Variants in FSIP2 observed in about 807,000 individuals in gnomAD.
FSIP2 encodes the protein fibrous sheath interacting protein 2.
In FSIP2, 367 loss-of-function variants were observed where a neutral mutation model predicts 510.5. That is an observed-to-expected ratio of 0.72 (90% CI 0.66 to 0.78). The LOEUF (loss-of-function observed/expected upper bound fraction) is 0.78, where lower values mean the gene tolerates loss of function less well. Ranked by LOEUF, FSIP2 falls within the 30% of genes least tolerant of loss-of-function variation. The pLI is 0.00. For synonymous variants in FSIP2, 2,601 were observed against 2,732.2 expected, an observed-to-expected ratio of 0.95 and a Z score of 1.50; for missense variants, 7,594 against 7,901.7, an observed-to-expected ratio of 0.96 and a Z score of 1.48.
chr2:185,825,730 C>G (rs1694003266), intron 20 of FSIP2, among the ~76,000 whole-genome samples: 1 of 151,774 alleles, frequency 6.6e-6, no homozygotes, highest in Admixed American at 6.6e-5. Context: ...CTTACTCATT[C>G]ATCCAAAGAT....
chr2:185,745,589 T>C (rs1469370110), intron 5 of FSIP2, 21 bp downstream of exon 5: 5 of 1,523,738 alleles, frequency 3.3e-6, no homozygotes, highest in Non-Finnish European at 4.4e-6. Flanking sequence ...AGTTGAGGCA[T>C]ATTTTATGGG....
At chr2:185,815,529 A>G (rs914575654) in intron 19 of FSIP2, 58 bp downstream of exon 19, 22 of 807,238 alleles carry the variant, frequency 2.7e-5, no homozygotes, top group Non-Finnish European at 4.3e-5. Context: ...GCTTATGAGT[A>G]GAATGGGGCC....
At chr2:185,816,933 AAGAG>A (rs1418186319) in intron 19 of FSIP2, among the ~76,000 whole-genome samples, 11 of 148,574 alleles carry the variant, frequency 7.4e-5, no homozygotes, top group South Asian at 4.4e-4. Flanking sequence ...GTAAATGAGA[AAGAG>A]AGAGAAGAGA....
rs1252272181 is a variant in FSIP2, at chr2:185,797,351, A to G, written c.10215A>G (p.Glu3405=). Residue 3405 remains glutamate, a synonymous_variant, in exon 16 of 23, where the codon GAA becomes GAG. Transcript: ENST00000424728. ...ATGAAAACCTTGAAGCCAGCCGGGA[A>G]GATTCTTCTTTTTTGCAAAAATTGA... ...EENENLEASR[E]DSSFLQKLKK... 1 of 1,528,574 alleles carries G rather than the reference A, an allele frequency of 6.5e-7. No homozygotes were observed. The highest frequency in any genetic ancestry group is 1.4e-5 in the African/African-American group (1 of 72,308). 94.7% of individuals were successfully genotyped at this position (1,528,574 alleles called of 1,614,324 possible).
intron 7 of FSIP2, among the ~76,000 whole-genome samples, chr2:185,749,183 C>T (rs1028792657): frequency 3.3e-5 from 5 of 151,602 alleles, no homozygotes; most frequent in African/African-American, 9.7e-5. Context: ...TCTACCAAAA[C>T]GTCTTGCTGA....
rs1021064289 is a variant in FSIP2 at position 185,744,372 on chromosome 2, T to C, written c.438T>C (p.Ser146=). Residue 146 remains serine (S), a synonymous_variant, in exon 4 of 23, where the codon AGT becomes AGC. Transcript: ENST00000424728. ...ELNKYRQYLT[S]LKLDFERNYI... ...ATAAGTACAGGCAATATCTTACCAG[T>C]TTAAAATTAGACTTTGAGAGAAACT... 61 of 1,264,366 alleles carry C rather than the reference T, an allele frequency of 4.8e-5. 1 individual carries two copies. The African/African-American group carries it at 9.2e-4, about 19-fold the overall frequency. 78.3% of individuals were successfully genotyped at this position (1,264,366 alleles called of 1,614,324 possible).
intron 19 of FSIP2, among the ~76,000 whole-genome samples, chr2:185,821,698 C>T (rs1693922974): frequency 6.6e-6 from 1 of 151,668 alleles, no homozygotes; most frequent in South Asian, 2.1e-4. Context: ...TTAAGATGGG[C>T]AGACTTCTCA....
Position 185,807,501 on chromosome 2 carries a change from G to A in FSIP2, c.18195G>A (p.Met6065Ile), listed in dbSNP as rs1693613643. 2 of 1,611,550 alleles carry A rather than the reference G, an allele frequency of 1.2e-6. No homozygotes were observed. Among genetic ancestry groups the A allele is most frequent in the Non-Finnish European group, 1.7e-6 (2 of 1,178,466 alleles). The change falls in exon 17 of 23, where the codon ATG becomes ATA. Residue 6065 changes from methionine (M) to isoleucine (I), a missense_variant. Physicochemically the swap from Met to Ile is conservative, Grantham distance 10. Transcript: ENST00000424728. ...VATEISQDKY[M>I]TIQYVETLQS... ...CAGAGATCTCCCAAGATAAATATAT[G>A]ACTATACAGTATGTAGAAACCTTAC...
At position 185,804,072 on chromosome 2, in the gene FSIP2, A is replaced by C. The variant is rs1296064003; in HGVS notation, c.14766A>C (p.Ala4922=). 17 of 1,524,500 alleles carry C rather than the reference A, an allele frequency of 1.1e-5. No individual in the cohort carries two copies. Among genetic ancestry groups the C allele is most frequent in the Non-Finnish European group, 1.5e-5 (17 of 1,139,630 alleles). The allele number at this position is 1,524,500 out of a possible 1,614,324, so 94.4% of individuals were successfully genotyped here. A position where few individuals can be genotyped will look rare whatever the true frequency, so the allele number is the denominator to read the frequency against. Reference sequence around the variant, plus strand: ...AAGATAAAACTCTCCTTTTGGCAGCAGTTGATCAAACTTATAAATTGAAAG... The same window carrying C: ...AAGATAAAACTCTCCTTTTGGCAGCCGTTGATCAAACTTATAAATTGAAAG... ...LSEDKTLLLA[A]VDQTYKLKAI... Residue 4922 remains alanine (A), a synonymous_variant, in exon 17 of 23, where the codon GCA becomes GCC. Coordinates refer to ENST00000424728, the MANE Select transcript of FSIP2 (RefSeq NM_173651.4).
At position 185,800,190 on chromosome 2, in the gene FSIP2, T is replaced by C. The variant is rs1222577328; in HGVS notation, c.10884T>C (p.Asn3628=). The change falls in exon 17 of 23, where the codon AAT becomes AAC. Residue 3628 remains asparagine (N), a synonymous_variant. Coordinates refer to ENST00000424728, the MANE Select transcript of FSIP2 (RefSeq NM_173651.4). The part of the protein sequence containing the change: ...EIEVDYHFES[N]VRNKSFSMHR... ...AAGTAGATTATCACTTTGAAAGCAA[T>C]GTAAGAAACAAATCATTTTCTATGC... The C allele has an allele frequency of 6.5e-7, 1 of 1,532,280 alleles. No individual in the cohort carries two copies. Among genetic ancestry groups the C allele is most frequent in the Non-Finnish European group, 8.7e-7 (1 of 1,144,938 alleles). The allele number at this position is 1,532,280 out of a possible 1,614,324, so 94.9% of individuals were successfully genotyped here.
chr2:185,805,683 G>A lies in FSIP2; in HGVS notation c.16377G>A (p.Met5459Ile), dbSNP rs779889413. 4 of 1,610,536 alleles carry A rather than the reference G, an allele frequency of 2.5e-6. No individual in the cohort carries two copies. The highest frequency in any genetic ancestry group is 2.2e-5 in the South Asian group (2 of 90,702). ...CCACCCCAGATTGCAAAAACATGAT[G>A]AGCACTTTGGAAATAAATAGAGGTA... is the stretch of plus-strand genomic sequence containing the variant. ...TSSTPDCKNM[M>I]STLEINRGTM... Residue 5459 changes from methionine (M) to isoleucine (I), a missense_variant, in exon 17 of 23, where the codon ATG (methionine) becomes ATA (isoleucine). Met to Ile is a conservative substitution (Grantham distance 10). Coordinates refer to ENST00000424728, the MANE Select transcript of FSIP2 (RefSeq NM_173651.4).
intron 9 of FSIP2, among the ~76,000 whole-genome samples, chr2:185,759,885 G>T (rs1692317212): frequency 6.7e-6 from 1 of 150,374 alleles, no homozygotes; most frequent in African/African-American, 2.4e-5. Flanking sequence ...GCACAATTCA[G>T]AGGTGAGGTC....
At chr2:185,747,823 G>T (rs898401868) in intron 7 of FSIP2, among the ~76,000 whole-genome samples, 21 of 151,870 alleles carry the variant, frequency 1.4e-4, no homozygotes, top group African/African-American at 4.6e-4. Context: ...TCAATAAAAA[G>T]AAAGAGAAAA....
In FSIP2 at chr2:185,807,024, A is replaced by C; in HGVS notation, c.17718A>C (p.Pro5906=). ...MMRKPSSDKI[P]SIDKTLVNKV... is the part of the protein sequence containing the mutation. Reference sequence around the variant, plus strand: ...GAAAACCTTCTTCAGATAAGATACCATCAATTGACAAAACATTGGTCAATA... The same window carrying C: ...GAAAACCTTCTTCAGATAAGATACCCTCAATTGACAAAACATTGGTCAATA... The change falls in exon 17 of 23, where the codon CCA becomes CCC. Residue 5906 remains proline (P), a synonymous_variant. Coordinates refer to ENST00000424728, the MANE Select transcript of FSIP2 (RefSeq NM_173651.4). 1 of 1,596,570 alleles carries C rather than the reference A, an allele frequency of 6.3e-7. No homozygotes were observed. The highest frequency in any genetic ancestry group is 1.1e-5 in the South Asian group (1 of 87,524).
chr2:185,763,339 G>T (rs1288598170), intron 12 of FSIP2, 50 bp downstream of exon 12: 1 of 767,442 alleles, frequency 1.3e-6, no homozygotes, highest in African/African-American at 1.7e-5. Context: ...AAAGGGATAT[G>T]ATCTTATGGT....
intron 21 of FSIP2, among the ~76,000 whole-genome samples, chr2:185,830,501 G>T (rs1216518125): frequency 1.3e-5 from 2 of 151,742 alleles, no homozygotes; most frequent in African/African-American, 4.8e-5. Flanking sequence ...GGTGCTCAAG[G>T]TCTTTATATA....
intron 4 of FSIP2, chr2:185,744,965 TGTGTGTGTGTGGG>T (rs1469129457): frequency 1.3e-5 from 1 of 76,584 alleles, no homozygotes; most frequent in Non-Finnish European, 3.0e-5. Flanking sequence ...GACTTAAAGG[TGTGTGTGTGTGGG>T]GTGTGTGTGT....
rs1488064708 is a variant in FSIP2 at position 185,791,157 on chromosome 2, T to TCAG, written c.4021_4022insCAG (p.Leu1341delinsSerVal). ...ATTTTTTGCTAATACTGATAAAAAA[T>TCAG]TAGAATCTCTTGTCACGAGTATTGA... On this transcript the variant is annotated protein_altering_variant, in exon 16 of 23. Coordinates refer to ENST00000424728, the MANE Select transcript of FSIP2 (RefSeq NM_173651.4). 1.3e-6 allele frequency: 2 copies of TCAG among 1,533,606 alleles called. No individual in the cohort carries two copies. The highest frequency in any genetic ancestry group is 3.9e-5 in the Admixed American group (2 of 50,832). 95.0% of individuals were successfully genotyped at this position (1,533,606 alleles called of 1,614,324 possible). A position where few individuals can be genotyped will look rare whatever the true frequency, so the allele number is the denominator to read the frequency against.
Position 185,792,629 on chromosome 2 carries a change from T to C in FSIP2, c.5493T>C (p.Asp1831=). The C allele has an allele frequency of 6.5e-7, 1 of 1,534,222 alleles. No individual in the cohort carries two copies. Among genetic ancestry groups the C allele is most frequent in the Non-Finnish European group, 8.7e-7 (1 of 1,145,604 alleles). The change falls in exon 16 of 23, where the codon GAT becomes GAC. Residue 1831 remains aspartate, a synonymous_variant. Coordinates refer to ENST00000424728, the MANE Select transcript of FSIP2 (RefSeq NM_173651.4). ...TTCAATTTATGGATAAAATGATGGATCCTTTACTTTCGGAAGCAGATATAA... is the reference window on the plus strand; with the variant it reads ...TTCAATTTATGGATAAAATGATGGACCCTTTACTTTCGGAAGCAGATATAA... ...TSVQFMDKMM[D]PLLSEADITI... is the part of the protein sequence containing the mutation.
Sources: allele counts gnomAD v4.1 joint callset (sites outside exome capture counted in the v4.1 genomes callset), GRCh38; gene constraint gnomAD v4.1.1; transcripts MANE v1.5; gene names NCBI Gene and HGNC (gene_info 2026-07-23, HGNC 2026-07-21).